TRIM48: variants seen among roughly 807,000 people sequenced by gnomAD.
TRIM48 encodes tripartite motif containing 48.
Under a neutral mutation model 29.5 loss-of-function variants are expected in TRIM48, and 31 were observed. The observed-to-expected ratio is 1.05, with a 90% CI of 0.79 to 1.42. The LOEUF (loss-of-function observed/expected upper bound fraction) is 1.42, where lower values mean the gene tolerates loss of function less well. Ranked by LOEUF, TRIM48 falls within the 40% of genes most tolerant of loss-of-function variation. The pLI, the probability that TRIM48 is intolerant of heterozygous loss-of-function variation, is 0.00. For missense variants in TRIM48, 344 were observed against 265.0 expected, an observed-to-expected ratio of 1.30 and a Z score of -2.07; for synonymous variants, 128 against 90.6, an observed-to-expected ratio of 1.41 and a Z score of -2.34.
chr11:55,264,830 T>C, intron 1 of TRIM48, 70 bp from the exon 2 acceptor site: 1 of 1,559,776 alleles, frequency 6.4e-7, no homozygotes, highest in Non-Finnish European at 8.7e-7. Flanking sequence ...AGCTATCACT[T>C]ATCTCCACAT....
Position 55,265,797 on chromosome 11 carries a change from CAAAAA to C in TRIM48, c.555+114_555+118del, listed in dbSNP as rs34036307. The C allele has an allele frequency of 1.3e-3, 1,081 of 846,728 alleles. 1 individual carries two copies. The highest frequency in any genetic ancestry group is 2.3e-3 in the South Asian group (91 of 39,116). The allele number at this position is 846,728 out of a possible 1,614,324, so 52.5% of individuals were successfully genotyped here. On this transcript the variant is annotated intron_variant, in intron 3 of 5. Transcript: ENST00000417545. ...ATCAAACCGTAATGTTTCTGGGAGT[CAAAAA>C]AAAAAAAAAAAGAGAAGAAAACATT...
rs947699246 is a variant in TRIM48 at position 55,267,602 on chromosome 11, G to A, written c.556-748G>A. On this transcript the variant is annotated intron_variant, in intron 3 of 5. Transcript: ENST00000417545. ...TAAGAGGAATGTAAGCGGAGCTGAT[G>A]AAAATGTGCCATAAACCACATGTGG... 1.6e-5 allele frequency: 25 copies of A among 1,563,552 alleles called. 3 individuals are homozygous for A. The highest frequency in any genetic ancestry group is 2.2e-5 in the Non-Finnish European group (25 of 1,150,496).
intron 1 of TRIM48, among the ~76,000 whole-genome samples, chr11:55,263,873 G>A (rs1857344802): frequency 6.6e-6 from 1 of 152,150 alleles, no homozygotes; most frequent in Non-Finnish European, 1.5e-5. Flanking sequence ...CTCAGAACCA[G>A]CTTCAGGAGA....
In TRIM48 at chr11:55,264,903, C is replaced by T. The variant is rs1208755510; in HGVS notation, c.48C>T (p.Asn16=). 3.2e-6 allele frequency: 5 copies of T among 1,583,304 alleles called. No homozygotes were observed. The highest frequency in any genetic ancestry group is 1.7e-5 in the Admixed American group (1 of 58,534). ...CATGCTGCTCTTTCTTCCTCAGAAA[C>T]ATGAATTCTGGAATCTCGCAAGTCT... ...IVGTLQRTQR[N]MNSGISQVFQ... The change falls in exon 2 of 6, where the codon AAC becomes AAT. Residue 16 remains asparagine, a synonymous_variant. Coordinates refer to ENST00000417545, the MANE Select transcript of TRIM48 (RefSeq NM_024114.5).
chr11:55,264,865 G>C lies in TRIM48; in HGVS notation c.45-35G>C, dbSNP rs190064659. The C allele has an allele frequency of 3.2e-6, 5 of 1,582,362 alleles. No homozygotes were observed. The Admixed American group carries it at 6.8e-5, about 22-fold the overall frequency. ...TGTTCAGAAGCTTTTCATCAACCCA[G>C]ACCCCAAAATGACATGCTGCTCTTT... is the stretch of plus-strand genomic sequence containing the variant. On this transcript the variant is annotated intron_variant, in intron 1 of 5. Transcript: ENST00000417545.
Position 55,269,671 on chromosome 11 carries a change from A to G in TRIM48, c.*1+332A>G, listed in dbSNP as rs1857450122. Among the ~76,000 whole-genome samples the G allele has an allele frequency of 1.4e-5, 2 of 147,382 alleles. 1 individual carries two copies. The highest frequency in any genetic ancestry group is 4.9e-4 in the South Asian group (2 of 4,094). On this transcript the variant is annotated intron_variant, in intron 5 of 5. Transcript: ENST00000417545. The stretch of plus-strand genomic sequence containing the variant: ...TTTAATGTTAAATACAAAATTTTAC[A>G]TTTCTTTGGTGTATTCATTTGAACA...
At chr11:55,262,418 C>A in intron 1 of TRIM48, 107 bp downstream of exon 1, 2 of 796,738 alleles carry the variant, frequency 2.5e-6, no homozygotes, top group Non-Finnish European at 4.2e-6. Flanking sequence ...ATGATACCAT[C>A]TGTAATTCAT....
At position 55,268,388 on chromosome 11, in the gene TRIM48, G is replaced by A; in HGVS notation, c.578+16G>A. 1 of 1,543,120 alleles carries A rather than the reference G, an allele frequency of 6.5e-7. No homozygotes were observed. Among genetic ancestry groups the A allele is most frequent in the African/African-American group, 1.4e-5 (1 of 72,238 alleles). Reference sequence around the variant, plus strand: ...TATTATACAGGTGAGTATGTACCTGGATTTTAGCATATGTTCTTTCACTTT... The same window carrying A: ...TATTATACAGGTGAGTATGTACCTGAATTTTAGCATATGTTCTTTCACTTT... On this transcript the variant is annotated intron_variant, in intron 4 of 5. Coordinates refer to ENST00000417545, the MANE Select transcript of TRIM48 (RefSeq NM_024114.5).
Position 55,270,863 on chromosome 11 carries a change from C to T in TRIM48, c.*428C>T. 6.4e-7 allele frequency: 1 copy of T among 1,565,286 alleles called. No individual in the cohort carries two copies. ...AGCTTCGTTGATGTTAGTCAAAGCTCCCCTATATACACCATCCCTAATTGC... is the reference window on the plus strand; with the variant it reads ...AGCTTCGTTGATGTTAGTCAAAGCTTCCCTATATACACCATCCCTAATTGC... On this transcript the variant is annotated 3_prime_UTR_variant, in exon 6 of 6. Transcript: ENST00000417545.
intron 5 of TRIM48, 71 bp from the exon 6 acceptor site, chr11:55,270,366 C>T (rs1857462952): frequency 8.0e-7 from 1 of 1,244,706 alleles, no homozygotes; most frequent in Non-Finnish European, 1.1e-6. Flanking sequence ...ACGATTTTTG[C>T]TTATTTACAC....
chr11:55,267,323 G>A lies in TRIM48; in HGVS notation c.556-1027G>A, dbSNP rs1410919403. 14 of 1,399,278 alleles carry A rather than the reference G, an allele frequency of 1.0e-5. No individual in the cohort carries two copies. The African/African-American group carries it at 1.7e-4, about 17-fold the overall frequency. 86.7% of individuals were successfully genotyped at this position (1,399,278 alleles called of 1,614,324 possible). A position where few individuals can be genotyped will look rare whatever the true frequency, so the allele number is the denominator to read the frequency against. On this transcript the variant is annotated intron_variant, in intron 3 of 5. Coordinates refer to ENST00000417545, the MANE Select transcript of TRIM48 (RefSeq NM_024114.5). ...AAGACTGAGGTTTAAACTATTGGAT[G>A]TTCGAGAGACAAAAGGAATCAGTGA...
Position 55,271,088 on chromosome 11 carries a change from C to A in TRIM48, c.*653C>A. 1 of 1,064,072 alleles carries A rather than the reference C, an allele frequency of 9.4e-7. No homozygotes were observed. Among genetic ancestry groups the A allele is most frequent in the Non-Finnish European group, 1.3e-6 (1 of 771,710 alleles). 65.9% of individuals were successfully genotyped at this position (1,064,072 alleles called of 1,614,324 possible). On this transcript the variant is annotated 3_prime_UTR_variant, in exon 6 of 6. Transcript: ENST00000417545. ...TTATTAAAACTCATTTATTGTGTTA[C>A]TATTAAATGTAGTAAAAACACTAAA... is the stretch of plus-strand genomic sequence containing the variant.
intron 3 of TRIM48, among the ~76,000 whole-genome samples, chr11:55,267,074 A>G (rs189579135): frequency 1.0e-4 from 15 of 148,228 alleles, no homozygotes; most frequent in African/African-American, 3.4e-4. Flanking sequence ...TTTCCTTTCT[A>G]GTAACTATAG....
Position 55,270,173 on chromosome 11 carries a change from T to C in TRIM48, c.*2-264T>C, listed in dbSNP as rs548408341. 6.1e-5 allele frequency among the ~76,000 whole-genome samples: 9 copies of C among 148,276 alleles called. 1 individual carries two copies. The highest frequency in any genetic ancestry group is 9.0e-5 in the Non-Finnish European group (6 of 66,992). On this transcript the variant is annotated intron_variant, in intron 5 of 5. Transcript: ENST00000417545. ...TGCAAATTTTGCTTTGAAAATTGGA[T>C]TGAAAGAAGTTGGTCTTACATTTGG...
At chr11:55,267,511 G>T in intron 3 of TRIM48, 8 of 1,579,274 alleles carry the variant, frequency 5.1e-6, no homozygotes, top group Non-Finnish European at 6.9e-6. Flanking sequence ...TGAAAAAGAA[G>T]GGAAAAGATA....
chr11:55,263,923 T>C (rs1435686348), intron 1 of TRIM48, among the ~76,000 whole-genome samples: 3 of 152,168 alleles, frequency 2.0e-5, no homozygotes, highest in Non-Finnish European at 4.4e-5. Flanking sequence ...CTTTTCCTTT[T>C]ATCTGAGCTA....
Position 55,268,858 on chromosome 11 carries a change from A to C in TRIM48, c.579-384A>C, listed in dbSNP as rs1207228022. Among the ~76,000 whole-genome samples, 4 of 148,150 alleles carry C rather than the reference A, an allele frequency of 2.7e-5. 1 individual carries two copies. The East Asian group carries it at 8.6e-4, about 32-fold the overall frequency. On this transcript the variant is annotated intron_variant, in intron 4 of 5. Transcript: ENST00000417545. ...TCTAGCTGCCTAGGACAAGTTTCAC[A>C]TTCTTTATCTTGAAAAGGAAGCAGC...
rs1206452829 is a variant in TRIM48, at chr11:55,267,757, G to A, written c.556-593G>A. 44 of 1,436,190 alleles carry A rather than the reference G, an allele frequency of 3.1e-5. 5 individuals carry two copies. In the South Asian group the frequency reaches 3.4e-4, roughly 11 times the overall value. 89.0% of individuals were successfully genotyped at this position (1,436,190 alleles called of 1,614,324 possible). ...ATGATGTGTTTCCAAAAACACATTC[G>A]CATAACTAATGCTACTTTATTGGGA... On this transcript the variant is annotated intron_variant, in intron 3 of 5. Coordinates refer to ENST00000417545, the MANE Select transcript of TRIM48 (RefSeq NM_024114.5).
At chr11:55,262,643 A>G (rs1214779086) in intron 1 of TRIM48, among the ~76,000 whole-genome samples, 2 of 152,148 alleles carry the variant, frequency 1.3e-5, no homozygotes, top group African/African-American at 4.8e-5. Context: ...AATATTATAC[A>G]ATTGAATTGA....
Sources: allele counts gnomAD v4.1 joint callset (sites outside exome capture counted in the v4.1 genomes callset), GRCh38; gene constraint gnomAD v4.1.1; transcripts MANE v1.5; gene names NCBI Gene and HGNC (gene_info 2026-07-23, HGNC 2026-07-21).